DPP10: variants seen among roughly 807,000 people sequenced by gnomAD.
DPP10 encodes dipeptidyl peptidase like 10, also known as inactive dipeptidyl peptidase 10.
In DPP10, 33 loss-of-function variants were observed where a neutral mutation model predicts 120.9. The ratio of observed to expected loss-of-function variants is 0.27; its 90% CI spans 0.21 to 0.37. DPP10 has a LOEUF of 0.37. Ranked by LOEUF, DPP10 falls within the 10% of genes least tolerant of loss-of-function variation. DPP10 has a pLI of 1.00. For missense variants in DPP10, 816 were observed against 942.8 expected (o/e 0.87, Z 1.76); for synonymous variants, 337 against 326.1 (o/e 1.03, Z -0.36).
chr2:115,468,125 C>G, intron 3 of DPP10: 1 of 490,020 alleles, frequency 2.0e-6, no homozygotes, highest in Non-Finnish European at 4.1e-6. Context: ...AGCAGGAACC[C>G]ACTTAGGTGG....
chr2:115,750,512 G>A lies in DPP10; in HGVS notation c.951-2662G>A, dbSNP rs187213843. Among the ~76,000 whole-genome samples the A allele has an allele frequency of 1.4e-3, 217 of 152,204 alleles. 1 individual carries two copies. In the South Asian group the frequency reaches 0.023, roughly 16 times the overall value. On this transcript the variant is annotated intron_variant, in intron 10 of 25. Coordinates refer to ENST00000410059, the MANE Select transcript of DPP10 (RefSeq NM_020868.6). ...TCAGATTGTGTTTACCATGTGCAAG[G>A]TCATTCTTGGGTATAAGCAAGGTTT... is the stretch of plus-strand genomic sequence containing the variant.
chr2:114,497,280 C>CGTGTATACATGTACGT (rs1553451039), intron 1 of DPP10, among the ~76,000 whole-genome samples: 1 of 50,468 alleles, frequency 2.0e-5, no homozygotes, highest in Admixed American at 1.9e-4. Context: ...TACATGTATA[C>CGTGTATACATGTACGT]GTGTATACAT....
chr2:114,448,782 A>G (rs1678091947), intron 1 of DPP10, among the ~76,000 whole-genome samples: 1 of 152,158 alleles, frequency 6.6e-6, no homozygotes, highest in African/African-American at 2.4e-5. Flanking sequence ...TGACAGCCAA[A>G]ATCTCATCAT....
At chr2:115,187,129 C>T (rs1211756441) in intron 1 of DPP10, among the ~76,000 whole-genome samples, 7 of 141,554 alleles carry the variant, frequency 4.9e-5, no homozygotes, top group Non-Finnish European at 7.6e-5. Flanking sequence ...CTCCGCTTCC[C>T]GGGTTCACGC....
intron 1 of DPP10, among the ~76,000 whole-genome samples, chr2:114,884,090 G>A (rs1022316058): frequency 5.3e-5 from 8 of 151,644 alleles, no homozygotes; most frequent in African/African-American, 1.7e-4. Flanking sequence ...AATTAACTTG[G>A]CTCTTTTTCC....
chr2:114,950,567 A>T (rs1697712270), intron 1 of DPP10, among the ~76,000 whole-genome samples: 1 of 147,886 alleles, frequency 6.8e-6, no homozygotes, highest in African/African-American at 2.5e-5. Context: ...GTCTCTCAAG[A>T]TTTTTTTTTT....
intron 2 of DPP10, among the ~76,000 whole-genome samples, chr2:115,313,152 G>A (rs533856131): frequency 5.1e-4 from 78 of 152,272 alleles, no homozygotes; most frequent in Admixed American, 1.4e-3. Flanking sequence ...GAACCTGGGA[G>A]TCAGAGGTTG....
intron 1 of DPP10, among the ~76,000 whole-genome samples, chr2:114,795,177 T>G (rs552779614): frequency 6.6e-6 from 1 of 152,250 alleles, no homozygotes; most frequent in Admixed American, 6.5e-5. Flanking sequence ...TTTCCAGAAT[T>G]CTAAGTGAAC....
chr2:114,700,895 G>C (rs1381184414), intron 1 of DPP10, among the ~76,000 whole-genome samples: 1 of 152,034 alleles, frequency 6.6e-6, no homozygotes, highest in African/African-American at 2.4e-5. Flanking sequence ...TTCGTCTTTT[G>C]GTGAGCTGTG....
chr2:114,706,671 C>G (rs1700707416), intron 1 of DPP10, among the ~76,000 whole-genome samples: 1 of 152,160 alleles, frequency 6.6e-6, no homozygotes, highest in Admixed American at 6.5e-5. Flanking sequence ...TCTGCAAAGA[C>G]CCTATTGCAA....
At chr2:114,663,658 TATATATATATAGAGAG>T (rs1264206066) in intron 1 of DPP10, among the ~76,000 whole-genome samples, 1 of 91,262 alleles carries the variant, frequency 1.1e-5, no homozygotes, top group Non-Finnish European at 1.9e-5. Flanking sequence ...TATATATATA[TATATATATATAGAGAG>T]AGAGAGAGAG....
chr2:115,460,462 G>A (rs1250359858), intron 3 of DPP10, among the ~76,000 whole-genome samples: 1 of 152,226 alleles, frequency 6.6e-6, no homozygotes, highest in East Asian at 1.9e-4. Flanking sequence ...TTTAGATCTA[G>A]ACTTAAGTGT....
chr2:115,159,774 G>A (rs1369870332), intron 1 of DPP10, among the ~76,000 whole-genome samples: 2 of 152,010 alleles, frequency 1.3e-5, no homozygotes, highest in Non-Finnish European at 2.9e-5. Flanking sequence ...ATATAATAAT[G>A]TTTGTCTTTA....
intron 1 of DPP10, among the ~76,000 whole-genome samples, chr2:114,504,932 G>C (rs1465782728): frequency 6.6e-6 from 1 of 151,074 alleles, no homozygotes; most frequent in African/African-American, 2.4e-5. Context: ...GGTGCCTATA[G>C]TCCCAGCTAC....
chr2:114,855,375 A>AT (rs1195815978), intron 1 of DPP10, among the ~76,000 whole-genome samples: 1 of 152,158 alleles, frequency 6.6e-6, no homozygotes, highest in African/African-American at 2.4e-5. Flanking sequence ...AAGATAACAA[A>AT]TACACCTTAA....
intron 1 of DPP10, among the ~76,000 whole-genome samples, chr2:114,619,675 A>C (rs1011763428): frequency 1.2e-4 from 18 of 152,008 alleles, no homozygotes; most frequent in African/African-American, 4.3e-4. Context: ...CCACTCTACC[A>C]CATCAGGTCT....
At chr2:115,465,998 A>G (rs1574929189) in intron 3 of DPP10, among the ~76,000 whole-genome samples, 1 of 152,130 alleles carries the variant, frequency 6.6e-6, no homozygotes, top group Non-Finnish European at 1.5e-5. Flanking sequence ...ATAATGGGTA[A>G]TTACAGGTAA....
chr2:115,430,493 C>G (rs1179142714), intron 3 of DPP10, among the ~76,000 whole-genome samples: 1 of 152,006 alleles, frequency 6.6e-6, no homozygotes, highest in East Asian at 1.9e-4. Flanking sequence ...CTTTACATCT[C>G]GATAGATTTT....
chr2:114,570,389 C>T (rs1389158587), intron 1 of DPP10, among the ~76,000 whole-genome samples: 2 of 152,094 alleles, frequency 1.3e-5, no homozygotes, highest in African/African-American at 2.4e-5. Flanking sequence ...CCCCCAAATC[C>T]AACCAACATA....
Sources: gnomAD v4.1 joint callset for allele counts (sites outside exome capture counted in the v4.1 genomes callset) on GRCh38, gnomAD v4.1.1 for gene constraint, MANE v1.5 for transcripts, NCBI Gene and HGNC (gene_info 2026-07-23, HGNC 2026-07-21) for gene names.